PDS5B: variants seen among roughly 807,000 people sequenced by gnomAD.
PDS5B encodes the protein PDS5 cohesin associated factor B.
In PDS5B, 51 loss-of-function variants were observed where a neutral mutation model predicts 184.1. The observed-to-expected ratio is 0.28, with a 90% CI of 0.22 to 0.35. The LOEUF (loss-of-function observed/expected upper bound fraction) is 0.35. Ranked by LOEUF, PDS5B falls within the 10% of genes least tolerant of loss-of-function variation. The probability of loss-of-function intolerance (pLI) is 1.00; values close to 1 mark genes in which losing one functional copy is unlikely to be tolerated. For synonymous variants in PDS5B, 566 were observed against 569.2 expected (o/e 0.99, Z 0.08); for missense variants, 1,180 against 1,723.3 (o/e 0.68, Z 5.58).
At chr13:32,720,501 A>T (rs1295427167) in intron 19 of PDS5B, among the ~76,000 whole-genome samples, 1 of 152,248 alleles carries the variant, frequency 6.6e-6, no homozygotes, top group Non-Finnish European at 1.5e-5. Context: ...AAAGTCATGT[A>T]CTGCATAATG....
At chr13:32,716,353 AC>A (rs1288843199) in intron 19 of PDS5B, among the ~76,000 whole-genome samples, 2 of 142,924 alleles carry the variant, frequency 1.4e-5, no homozygotes, top group Non-Finnish European at 3.0e-5. Context: ...CCCGGCTGCG[AC>A]CCCGTCTGGG....
chr13:32,727,627 A>G (rs540543609), intron 19 of PDS5B, among the ~76,000 whole-genome samples: 1 of 152,262 alleles, frequency 6.6e-6, no homozygotes, highest in South Asian at 2.1e-4. Flanking sequence ...ATGTCACTCC[A>G]TTATCTTCCG....
At chr13:32,770,902 T>TA (rs1954762697) in intron 33 of PDS5B, 141 bp downstream of exon 33, 15 of 644,368 alleles carry the variant, frequency 2.3e-5, no homozygotes, top group Non-Finnish European at 3.3e-5. Context: ...TTTATAAACT[T>TA]ACCTTAGTGA....
chr13:32,746,441 C>T (rs1953745359), intron 24 of PDS5B, among the ~76,000 whole-genome samples: 1 of 152,250 alleles, frequency 6.6e-6, no homozygotes, highest in South Asian at 2.1e-4. Context: ...TAATATACAG[C>T]CTTGTTTTAT....
chr13:32,679,884 AGTGTGTGTGTGT>A (rs34635708), intron 10 of PDS5B, among the ~76,000 whole-genome samples: 16 of 143,616 alleles, frequency 1.1e-4, no homozygotes, highest in African/African-American at 3.2e-4. Flanking sequence ...TTCGTCTGTG[AGTGTGTGTGTGT>A]GTGTGTGTGT....
intron 15 of PDS5B, among the ~76,000 whole-genome samples, chr13:32,699,373 T>C (rs1951800734): frequency 6.6e-6 from 1 of 152,166 alleles, no homozygotes; most frequent in African/African-American, 2.4e-5. Flanking sequence ...GTGATTAATC[T>C]CTTAAATTAT....
chr13:32,671,096 T>G (rs781389436), intron 7 of PDS5B, among the ~76,000 whole-genome samples: 1 of 152,246 alleles, frequency 6.6e-6, no homozygotes, highest in Non-Finnish European at 1.5e-5. Flanking sequence ...GGACTTGGAT[T>G]GTTTTACCCA....
chr13:32,612,302 A>C (rs748590697), intron 1 of PDS5B, among the ~76,000 whole-genome samples: 5 of 152,172 alleles, frequency 3.3e-5, no homozygotes, highest in Non-Finnish European at 7.4e-5. Context: ...CCCTGACCTC[A>C]GGTGATCCAC....
intron 1 of PDS5B, among the ~76,000 whole-genome samples, chr13:32,603,595 A>G (rs1371249676): frequency 6.6e-6 from 1 of 152,186 alleles, no homozygotes; most frequent in Non-Finnish European, 1.5e-5. Flanking sequence ...TTGTGGTTCC[A>G]TATGAATTTT....
intron 1 of PDS5B, among the ~76,000 whole-genome samples, chr13:32,639,104 AAATG>A (rs1256786533): frequency 1.3e-5 from 2 of 150,762 alleles, no homozygotes; most frequent in Admixed American, 1.3e-4. Context: ...ATCACTCAAT[AAATG>A]AGAGATATTA....
intron 19 of PDS5B, among the ~76,000 whole-genome samples, chr13:32,712,427 T>C (rs1374549816): frequency 6.6e-6 from 1 of 152,244 alleles, no homozygotes; most frequent in Admixed American, 6.5e-5. Context: ...AAACTATGTA[T>C]GTAGATTTAA....
intron 1 of PDS5B, among the ~76,000 whole-genome samples, chr13:32,616,115 G>A (rs564756758): frequency 5.9e-5 from 9 of 151,522 alleles, no homozygotes; most frequent in East Asian, 1.9e-4. Flanking sequence ...GTGCAATGGC[G>A]CGATCTTGGC....
chr13:32,666,995 T>A (rs1950814989), intron 6 of PDS5B, among the ~76,000 whole-genome samples: 1 of 152,040 alleles, frequency 6.6e-6, no homozygotes, highest in Non-Finnish European at 1.5e-5. Flanking sequence ...CAGTAAAGAA[T>A]CTAGTATATC....
Position 32,648,820 on chromosome 13 carries a change from G to A in PDS5B, c.48G>A (p.Pro16=), listed in dbSNP as rs191234033. ...CCAATGATGGAAAAATTACATATCC[G>A]CCTGGGGTCAAGGAAATATCAGATA... ...TRTNDGKITY[P]PGVKEISDKI... Residue 16 remains proline (P), a synonymous_variant, in exon 2 of 35, where the codon CCG becomes CCA. Coordinates refer to ENST00000315596, the MANE Select transcript of PDS5B (RefSeq NM_015032.4). 10 of 1,567,228 alleles carry A rather than the reference G, an allele frequency of 6.4e-6. No homozygotes were observed. The highest frequency in any genetic ancestry group is 4.5e-5 in the East Asian group (2 of 44,648).
chr13:32,632,899 C>T (rs962037443), intron 1 of PDS5B, among the ~76,000 whole-genome samples: 2 of 151,798 alleles, frequency 1.3e-5, no homozygotes, highest in Non-Finnish European at 2.9e-5. Context: ...GTCAGGAGAT[C>T]GAGACCATCC....
At chr13:32,747,136 A>G (rs1403106747) in intron 24 of PDS5B, among the ~76,000 whole-genome samples, 1 of 152,186 alleles carries the variant, frequency 6.6e-6, no homozygotes, top group Non-Finnish European at 1.5e-5. Flanking sequence ...GTAACTTTAT[A>G]TTTGGGCTGT....
intron 1 of PDS5B, among the ~76,000 whole-genome samples, chr13:32,600,833 A>T (rs1047010330): frequency 1.3e-5 from 2 of 152,206 alleles, no homozygotes; most frequent in Non-Finnish European, 2.9e-5. Flanking sequence ...CAGCAGCTAA[A>T]ATTGCTGCTG....
At chr13:32,722,085 A>C (rs1210361678) in intron 19 of PDS5B, among the ~76,000 whole-genome samples, 1 of 152,230 alleles carries the variant, frequency 6.6e-6, no homozygotes. Flanking sequence ...CTGAGTGAGC[A>C]AGACTCCGTC....
At chr13:32,655,375 T>TATATATATATATATATATATATATATATA (rs1555296358) in intron 3 of PDS5B, among the ~76,000 whole-genome samples, 9 of 50,894 alleles carry the variant, frequency 1.8e-4, no homozygotes, top group Non-Finnish European at 2.2e-4. Flanking sequence ...TATATATATA[T>TATATATATATATATATATATATATATATA]TTTTTTTTTT....
Sources: gnomAD v4.1 joint callset for allele counts (sites outside exome capture counted in the v4.1 genomes callset) on GRCh38, gnomAD v4.1.1 for gene constraint, MANE v1.5 for transcripts, NCBI Gene and HGNC (gene_info 2026-07-23, HGNC 2026-07-21) for gene names.